The following WIPF3 variants were observed in gnomAD, a reference collection of about 807,000 sequenced individuals.
The protein encoded by WIPF3 is WAS/WASL interacting protein family member 3.
Under a neutral mutation model 38.9 loss-of-function variants are expected in WIPF3, and 33 were observed. That is an observed-to-expected ratio of 0.85 (90% CI 0.64 to 1.14). WIPF3 has a LOEUF of 1.14. WIPF3 is among the 50% of genes most tolerant of loss of function. The pLI is 0.00. For missense variants in WIPF3, 711 were observed against 652.5 expected (o/e 1.09, Z -0.98); for synonymous variants, 324 against 269.3 (o/e 1.20, Z -1.99).
rs1786349876 is a variant in WIPF3, at chr7:29,904,341, C to T, written c.1407C>T (p.Asp469=). The T allele has an allele frequency of 1.2e-6, 2 of 1,613,812 alleles. No individual in the cohort carries two copies. Among genetic ancestry groups the T allele is most frequent in the Non-Finnish European group, 1.7e-6 (2 of 1,179,828 alleles). The change falls in exon 8 of 9, where the codon GAC becomes GAT. Residue 469 remains aspartate (D), a synonymous_variant. Transcript: ENST00000242140. The part of the protein sequence containing the change: ...QAEAVGQSSD[D]IKGRNSQLSL... ...AAGCAGTCGGGCAGAGCTCTGATGA[C>T]ATCAAAGGCAGAAATTCTCAGGTAA...
At chr7:29,905,043 T>C (rs749241650) in intron 8 of WIPF3, 5 of 152,284 alleles carry the variant, frequency 3.3e-5, no homozygotes, top group African/African-American at 9.6e-5. Flanking sequence ...CATTTCTGAA[T>C]ACTATGTGAC....
chr7:29,892,846 A>G (rs568048486), intron 7 of WIPF3, among the ~76,000 whole-genome samples: 20 of 152,192 alleles, frequency 1.3e-4, no homozygotes, highest in South Asian at 8.3e-4. Context: ...CAGGCAGATC[A>G]CCTGAGGTCA....
intron 2 of WIPF3, among the ~76,000 whole-genome samples, chr7:29,870,510 G>A (rs750808936): frequency 6.6e-5 from 10 of 152,166 alleles, no homozygotes; most frequent in Admixed American, 2.0e-4. Context: ...GGATGAGTAT[G>A]AGGTGACCTT....
intron 1 of WIPF3, among the ~76,000 whole-genome samples, chr7:29,824,548 T>G (rs2128063423): frequency 6.7e-6 from 1 of 149,440 alleles, no homozygotes; most frequent in South Asian, 2.1e-4. Context: ...GAGATGTATT[T>G]TTAAAAAAAA....
At chr7:29,900,902 G>A (rs747001175) in intron 7 of WIPF3, among the ~76,000 whole-genome samples, 6 of 152,200 alleles carry the variant, frequency 3.9e-5, no homozygotes, top group Non-Finnish European at 5.9e-5. Context: ...TTAGTCAGAC[G>A]GTGTTGGCCC....
chr7:29,898,667 A>C lies in WIPF3; in HGVS notation c.1352-5619A>C, dbSNP rs115263859. ...CTGCAATTTCCAGAACATTCCAAGTACACATTTGTTCCTGGGCTCTGCATT... is the reference window on the plus strand; with the variant it reads ...CTGCAATTTCCAGAACATTCCAAGTCCACATTTGTTCCTGGGCTCTGCATT... On this transcript the variant is annotated intron_variant, in intron 7 of 8. Coordinates refer to ENST00000242140, the MANE Select transcript of WIPF3 (RefSeq NM_001080529.3). 9.9e-5 allele frequency among the ~76,000 whole-genome samples: 15 copies of C among 152,226 alleles called. No individual in the cohort carries two copies. The South Asian group carries it at 3.1e-3, about 32-fold the overall frequency.
intron 1 of WIPF3, among the ~76,000 whole-genome samples, chr7:29,813,364 G>A (rs141085399): frequency 8.2e-4 from 125 of 151,958 alleles, no homozygotes; most frequent in African/African-American, 3.0e-3. Context: ...ACAAAATAAG[G>A]TCCAAAAGCC....
intron 7 of WIPF3, among the ~76,000 whole-genome samples, chr7:29,890,754 G>A (rs1372131825): frequency 6.7e-6 from 1 of 150,152 alleles, no homozygotes. Context: ...TCAGGTGGAG[G>A]GGGCTCAGGC....
Position 29,844,719 on chromosome 7 carries a change from C to A in WIPF3, c.90+9905C>A, listed in dbSNP as rs541310870. 6.6e-6 allele frequency among the ~76,000 whole-genome samples: 1 copy of A among 152,302 alleles called. No homozygotes were observed. Among genetic ancestry groups the A allele is most frequent in the South Asian group, 2.1e-4 (1 of 4,826 alleles). On this transcript the variant is annotated intron_variant, in intron 2 of 8. Transcript: ENST00000242140. The surrounding 1 kb of genome is among the most constrained non-coding windows in gnomAD (Gnocchi z 4.8). Reference sequence around the variant, plus strand: ...ACCTTTGCATTGGCCTGTGGACTAGCACATAGTAATTGAGTTATTCTTCAC... The same window carrying A: ...ACCTTTGCATTGGCCTGTGGACTAGAACATAGTAATTGAGTTATTCTTCAC...
chr7:29,904,108 C>T (rs1347404216), intron 7 of WIPF3, among the ~76,000 whole-genome samples, 178 bp from the exon 8 acceptor site: 1 of 152,184 alleles, frequency 6.6e-6, no homozygotes, highest in Non-Finnish European at 1.5e-5. Flanking sequence ...TTAGACATGA[C>T]TCTTCTGCAT....
chr7:29,896,470 G>A (rs1786146652), intron 7 of WIPF3, among the ~76,000 whole-genome samples: 1 of 152,086 alleles, frequency 6.6e-6, no homozygotes, highest in Non-Finnish European at 1.5e-5. Flanking sequence ...ACAAAAATTA[G>A]CTGAATGTGG....
At chr7:29,853,305 C>G (rs1017097289) in intron 2 of WIPF3, among the ~76,000 whole-genome samples, 3 of 152,148 alleles carry the variant, frequency 2.0e-5, no homozygotes, top group Admixed American at 1.3e-4. Flanking sequence ...GGCAGCTAGC[C>G]CAGAGGGGAG....
chr7:29,857,956 T>G (rs970606035), intron 2 of WIPF3, among the ~76,000 whole-genome samples: 4 of 152,196 alleles, frequency 2.6e-5, no homozygotes, highest in Non-Finnish European at 5.9e-5. Flanking sequence ...TGTTGCAGCA[T>G]GAACCTATTG....
chr7:29,904,164 C>T, intron 7 of WIPF3, 122 bp from the exon 8 acceptor site: 1 of 855,774 alleles, frequency 1.2e-6, no homozygotes. Context: ...AACAGACAGT[C>T]TAGGGCCAGG....
chr7:29,835,619 G>GA (rs1211370184), intron 2 of WIPF3, among the ~76,000 whole-genome samples: 2 of 152,194 alleles, frequency 1.3e-5, no homozygotes, highest in Admixed American at 6.5e-5. Flanking sequence ...CACGGTTTCA[G>GA]AAAAATGCTA....
At chr7:29,819,089 AG>A (rs2128062412) in intron 1 of WIPF3, among the ~76,000 whole-genome samples, 1 of 150,786 alleles carries the variant, frequency 6.6e-6, no homozygotes, top group Admixed American at 6.6e-5. Context: ...ATTCTTTCTC[AG>A]GTTTGGATCT....
chr7:29,884,267 C>T lies in WIPF3; in HGVS notation c.773C>T (p.Pro258Leu). The T allele has an allele frequency of 2.0e-6, 3 of 1,466,302 alleles. No individual in the cohort carries two copies. Among genetic ancestry groups the T allele is most frequent in the Admixed American group, 2.1e-5 (1 of 48,508 alleles). 90.8% of individuals were successfully genotyped at this position (1,466,302 alleles called of 1,614,324 possible). Reference sequence around the variant, plus strand: ...CCTCAGCTGGCTCCCTTGCACCTCCCGCCCATCCCGCCCCCGCTCCCTCTG... The same window carrying T: ...CCTCAGCTGGCTCCCTTGCACCTCCTGCCCATCCCGCCCCCGCTCCCTCTG... Reference protein sequence around the residue: ...VKPQLAPLHLPPIPPPLPLLP... With the variant: ...VKPQLAPLHLLPIPPPLPLLP... The change falls in exon 5 of 9, where the codon CCG becomes CTG. Residue 258 changes from proline to leucine, a missense_variant. Coordinates refer to ENST00000242140, the MANE Select transcript of WIPF3 (RefSeq NM_001080529.3).
chr7:29,850,870 C>G (rs767593988), intron 2 of WIPF3, among the ~76,000 whole-genome samples: 1 of 152,252 alleles, frequency 6.6e-6, no homozygotes, highest in Non-Finnish European at 1.5e-5. Context: ...GTTTAGTCAT[C>G]TCTGATATCT....
intron 1 of WIPF3, among the ~76,000 whole-genome samples, chr7:29,806,951 G>T (rs942501358): frequency 3.3e-5 from 5 of 151,740 alleles, no homozygotes; most frequent in Non-Finnish European, 7.4e-5. Flanking sequence ...ACCGCGGGGT[G>T]GGGAGCGAGG....
Sources: gnomAD v4.1 joint callset for allele counts (sites outside exome capture counted in the v4.1 genomes callset) on GRCh38, gnomAD v4.1.1 for gene constraint, Gnocchi (gnomAD v3.1) non-coding constraint, MANE v1.5 for transcripts, NCBI Gene and HGNC (gene_info 2026-07-23, HGNC 2026-07-21) for gene names.